The following EXOC3L4 variants were observed in gnomAD, a reference collection of about 807,000 sequenced individuals.
The protein encoded by EXOC3L4 is exocyst complex component 3-like protein 4.
A neutral mutation model predicts 69.7 loss-of-function variants in EXOC3L4; 62 were observed. The observed-to-expected ratio is 0.89, with a 90% confidence interval of 0.72 to 1.10. The LOEUF is 1.10. Among genes scored for constraint, EXOC3L4 ranks in the 50% least tolerant of loss-of-function variants. EXOC3L4 has a pLI of 0.00. For synonymous variants in EXOC3L4, 502 were observed against 464.2 expected, an observed-to-expected ratio of 1.08 and a Z score of -1.05; for missense variants, 1,087 against 1,034.8, an observed-to-expected ratio of 1.05 and a Z score of -0.69.
intron 4 of EXOC3L4, 48 bp downstream of exon 4, chr14:103,104,100 G>A (rs757561858): frequency 4.2e-5 from 62 of 1,477,034 alleles, no homozygotes; most frequent in Non-Finnish European, 5.2e-5. Flanking sequence ...GAGGGGGCGG[G>A]CCCTGGGGGG....
In EXOC3L4 at chr14:103,106,897, C is replaced by T; in HGVS notation, c.1579C>T (p.Gln527Ter). ...HLLQGLQRELQPLFRVVCTRD... is the reference protein window; with the variant it reads ...HLLQGLQREL ...GCTTCAGGGCTTGCAGCGTGAGTTG[C>T]AGGTGACTGTGATAGGCCCTCTCTC... Residue 527 changes from glutamine (Q) to a stop codon, truncating the protein, a stop_gained and splice_region_variant, in exon 8 of 12, where the codon CAG (glutamine) becomes TAG (stop). Coordinates refer to ENST00000688303, the MANE Select transcript of EXOC3L4 (RefSeq NM_001077594.2). LOFTEE classifies it high-confidence loss of function. 1 of 1,560,782 alleles carries T rather than the reference C, an allele frequency of 6.4e-7. No homozygotes were observed. The highest frequency in any genetic ancestry group is 8.7e-7 in the Non-Finnish European group (1 of 1,150,944).
intron 11 of EXOC3L4, among the ~76,000 whole-genome samples, chr14:103,109,637 C>T (rs8020048): frequency 0.068 from 12 of 176 alleles, 6 homozygotes; most frequent in Admixed American, 0.36. Context: ...CTCCACCCTG[C>T]CCCCATGTCT....
intron 7 of EXOC3L4, among the ~76,000 whole-genome samples, chr14:103,105,783 C>A (rs1385854175): frequency 6.6e-6 from 1 of 152,210 alleles, no homozygotes; most frequent in Non-Finnish European, 1.5e-5. Context: ...GCAGATGCGG[C>A]AGCGCCAGAG....
In EXOC3L4 at chr14:103,102,593, G is replaced by A; in HGVS notation, c.870G>A (p.Leu290=). Residue 290 remains leucine, a synonymous_variant, in exon 3 of 12, where the codon CTG becomes CTA. Transcript: ENST00000688303. ...AELGGLVRRD[L]QKVRQEVQPA... ...TGGGTGGCTTGGTTCGCCGCGACCTGCAGAAGGTGCGGCAGGAGGTGCAGC... is the reference window on the plus strand; with the variant it reads ...TGGGTGGCTTGGTTCGCCGCGACCTACAGAAGGTGCGGCAGGAGGTGCAGC... 1.3e-6 allele frequency: 2 copies of A among 1,483,420 alleles called. No individual in the cohort carries two copies. Among genetic ancestry groups the A allele is most frequent in the Non-Finnish European group, 8.9e-7 (1 of 1,120,890 alleles). The allele number at this position is 1,483,420 out of a possible 1,614,324, so 91.9% of individuals were successfully genotyped here. A position where few individuals can be genotyped will look rare whatever the true frequency, so the allele number is the denominator to read the frequency against.
rs541514251 is a variant in EXOC3L4 at position 103,102,435 on chromosome 14, C to T, written c.712C>T (p.Pro238Ser). Residue 238 changes from proline to serine, a missense_variant, in exon 3 of 12, where the codon CCG becomes TCG. Transcript: ENST00000688303. ...PPDDGDFLRT[P>S]RRWRQHWEEA... is the part of the protein sequence containing the mutation. Reference sequence around the variant, plus strand: ...CGACGACGGCGACTTCCTGCGCACGCCGCGCCGCTGGCGCCAGCACTGGGA... The same window carrying T: ...CGACGACGGCGACTTCCTGCGCACGTCGCGCCGCTGGCGCCAGCACTGGGA... 4.7e-5 allele frequency: 71 copies of T among 1,513,808 alleles called. No individual in the cohort carries two copies. The Middle Eastern group carries it at 1.3e-3, about 28-fold the overall frequency. The allele number at this position is 1,513,808 out of a possible 1,614,324, so 93.8% of individuals were successfully genotyped here. A position where few individuals can be genotyped will look rare whatever the true frequency, so the allele number is the denominator to read the frequency against.
chr14:103,106,740 TG>T, intron 7 of EXOC3L4, 44 bp from the exon 8 acceptor site: 2 of 1,265,290 alleles, frequency 1.6e-6, no homozygotes, highest in Non-Finnish European at 2.2e-6. Context: ...TTCCCCAGCC[TG>T]GTCTCCCTTG....
Position 103,102,448 on chromosome 14 carries a change from G to T in EXOC3L4, c.725G>T (p.Arg242Leu). ...GDFLRTPRRW[R>L]QHWEEAVRRS... Reference sequence around the variant, plus strand: ...TTCCTGCGCACGCCGCGCCGCTGGCGCCAGCACTGGGAGGAGGCGGTGCGG... The same window carrying T: ...TTCCTGCGCACGCCGCGCCGCTGGCTCCAGCACTGGGAGGAGGCGGTGCGG... The change falls in exon 3 of 12, where the codon CGC (arginine) becomes CTC (leucine). Residue 242 changes from arginine (R) to leucine (L), a missense_variant. Coordinates refer to ENST00000688303, the MANE Select transcript of EXOC3L4 (RefSeq NM_001077594.2). 2 of 1,499,614 alleles carry T rather than the reference G, an allele frequency of 1.3e-6. No individual in the cohort carries two copies. Among genetic ancestry groups the T allele is most frequent in the Non-Finnish European group, 1.8e-6 (2 of 1,133,684 alleles). 92.9% of individuals were successfully genotyped at this position (1,499,614 alleles called of 1,614,324 possible).
In EXOC3L4 at chr14:103,104,790, C is replaced by T; in HGVS notation, c.1337C>T (p.Ala446Val). 1.3e-6 allele frequency: 2 copies of T among 1,526,536 alleles called. No homozygotes were observed. The highest frequency in any genetic ancestry group is 2.1e-5 in the Admixed American group (1 of 48,186). The allele number at this position is 1,526,536 out of a possible 1,614,324, so 94.6% of individuals were successfully genotyped here. A position where few individuals can be genotyped will look rare whatever the true frequency, so the allele number is the denominator to read the frequency against. Residue 446 changes from alanine to valine, a missense_variant, in exon 6 of 12, where the codon GCC (alanine) becomes GTC (valine). Coordinates refer to ENST00000688303, the MANE Select transcript of EXOC3L4 (RefSeq NM_001077594.2). The stretch of plus-strand genomic sequence containing the variant: ...GGCGCCATCTCCGCGGAGCTGGAGG[C>T]CACCACCCTGCGAATCTGCACGCGG... Reference protein sequence around the residue: ...AAGAISAELEATTLRICTRAL... With the variant: ...AAGAISAELEVTTLRICTRAL...
chr14:103,107,896 G>A (rs1056636802), intron 10 of EXOC3L4, 113 bp downstream of exon 10: 3 of 1,382,270 alleles, frequency 2.2e-6, no homozygotes, highest in Non-Finnish European at 2.9e-6. Flanking sequence ...CCCCACTCTG[G>A]ATCAGGTGGA....
rs1004142710 is a variant in EXOC3L4, at chr14:103,097,211, G to A, written c.-17+2371G>A. On this transcript the variant is annotated intron_variant, in intron 1 of 11. Coordinates refer to ENST00000688303, the MANE Select transcript of EXOC3L4 (RefSeq NM_001077594.2). This position sits in a 1 kb window ranked among gnomAD's most constrained non-coding sequence, Gnocchi z 4.9. ...CAGGGTGGGAGCTCTCAGTGACTGT[G>A]TCTCTGGGTGGTTTCTTGCCCCTGC... 5.3e-5 allele frequency among the ~76,000 whole-genome samples: 8 copies of A among 152,132 alleles called. No individual in the cohort carries two copies. The highest frequency in any genetic ancestry group is 1.0e-4 in the Non-Finnish European group (7 of 68,006).
chr14:103,107,654 G>T lies in EXOC3L4; in HGVS notation c.1725G>T (p.Arg575=). 2 of 1,579,602 alleles carry T rather than the reference G, an allele frequency of 1.3e-6. No individual in the cohort carries two copies. Among genetic ancestry groups the T allele is most frequent in the Non-Finnish European group, 1.7e-6 (2 of 1,161,924 alleles). ...AGGAGACTCTGCAGGAGGTGCACCG[G>T]TTCGTGGTCCGCGAGTACCTGGCGC... The part of the protein sequence containing the change: ...RAQETLQEVH[R]FVVREYLARA... The change falls in exon 10 of 12, where the codon CGG becomes CGT. Residue 575 remains arginine, a synonymous_variant. Transcript: ENST00000688303.
intron 5 of EXOC3L4, 65 bp from the exon 6 acceptor site, chr14:103,104,673 C>T: frequency 7.3e-7 from 1 of 1,367,080 alleles, no homozygotes. Context: ...GCGGGGGCTA[C>T]CAGGGGACCC....
intron 2 of EXOC3L4, among the ~76,000 whole-genome samples, chr14:103,101,601 G>A (rs992605433): frequency 8.5e-5 from 13 of 152,064 alleles, no homozygotes; most frequent in African/African-American, 2.2e-4. Context: ...TGCAAGGCTC[G>A]CAGAGGTACC....
intron 8 of EXOC3L4, 141 bp downstream of exon 8, chr14:103,107,040 A>ACCCAGGTGAGGT (rs1890596298): frequency 2.7e-6 from 2 of 750,856 alleles, no homozygotes; most frequent in African/African-American, 3.5e-5. Flanking sequence ...TGGGCAGGGG[A>ACCCAGGTGAGGT]CCCAGGTGAG....
At chr14:103,107,208 AG>A (rs888348561) in intron 8 of EXOC3L4, among the ~76,000 whole-genome samples, 5 of 152,180 alleles carry the variant, frequency 3.3e-5, no homozygotes, top group African/African-American at 1.2e-4. Context: ...TGCCCTGAGC[AG>A]ATCTGACTGC....
rs56105443 is a variant in EXOC3L4 at position 103,105,358 on chromosome 14, CTGTGTG to C, written c.1466+306_1466+311del. Among the ~76,000 whole-genome samples the C allele has an allele frequency of 3.5e-5, 5 of 141,590 alleles. No individual in the cohort carries two copies. The East Asian group carries it at 6.2e-4, about 18-fold the overall frequency. The allele number at this position is 141,590 out of a possible 152,430, so 92.9% of individuals were successfully genotyped here. On this transcript the variant is annotated intron_variant, in intron 7 of 11. Coordinates refer to ENST00000688303, the MANE Select transcript of EXOC3L4 (RefSeq NM_001077594.2). ...TGTGCGTGTTTGGCAGAGCTGAGGGCTGTGTGTGTGTGTGTGTGTGTGTGTTGGAGC... is the reference window on the plus strand; with the variant it reads ...TGTGCGTGTTTGGCAGAGCTGAGGGCTGTGTGTGTGTGTGTGTGTTGGAGC...
intron 8 of EXOC3L4, 127 bp downstream of exon 8, chr14:103,107,026 G>A (rs757457632): frequency 2.2e-5 from 18 of 837,126 alleles, no homozygotes; most frequent in Non-Finnish European, 3.1e-5. Flanking sequence ...TGTGTGTAGG[G>A]TAGTGGGCAG....
rs1566947653 is a variant in EXOC3L4 at position 103,102,329 on chromosome 14, C to G, written c.606C>G (p.Asp202Glu). 1 of 1,565,284 alleles carries G rather than the reference C, an allele frequency of 6.4e-7. No individual in the cohort carries two copies. ...GCGCCATCGTGCGCGAGACGCTGGA[C>G]AGCGACGGTGTGGACGCGGCCGCGC... is the stretch of plus-strand genomic sequence containing the variant. The part of the protein sequence containing the change: ...EIGAIVRETL[D>E]SDGVDAAALA... Residue 202 changes from aspartate to glutamate, a missense_variant, in exon 3 of 12, where the codon GAC becomes GAG. Physicochemically the swap from Asp to Glu is conservative, Grantham distance 45. Coordinates refer to ENST00000688303, the MANE Select transcript of EXOC3L4 (RefSeq NM_001077594.2).
Position 103,097,047 on chromosome 14 carries a change from G to C in EXOC3L4, c.-17+2207G>C, listed in dbSNP as rs140099297. 6.7e-6 allele frequency among the ~76,000 whole-genome samples: 1 copy of C among 150,058 alleles called. No homozygotes were observed. The highest frequency in any genetic ancestry group is 1.5e-5 in the Non-Finnish European group (1 of 67,468). On this transcript the variant is annotated intron_variant, in intron 1 of 11. Coordinates refer to ENST00000688303, the MANE Select transcript of EXOC3L4 (RefSeq NM_001077594.2). This position sits in a 1 kb window ranked among gnomAD's most constrained non-coding sequence, Gnocchi z 4.9. ...GTTGGGGAGGCTGGGGAGTGGGTGA[G>C]CACTGCAGAGTGATTGGGAGGATGA...
Sources: allele counts gnomAD v4.1 joint callset (sites outside exome capture counted in the v4.1 genomes callset), GRCh38; gene constraint gnomAD v4.1.1; non-coding constraint Gnocchi (gnomAD v3.1); transcripts MANE v1.5; gene names NCBI Gene and HGNC (gene_info 2026-07-23, HGNC 2026-07-21).